Variants in CNTNAP5 observed in about 807,000 individuals in gnomAD.
The protein encoded by CNTNAP5 is contactin-associated protein-like 5.
CNTNAP5 carries 72 observed loss-of-function variants against 150.2 expected under a neutral mutation model. The ratio of observed to expected loss-of-function variants is 0.48; its 90% CI spans 0.40 to 0.58. The LOEUF (loss-of-function observed/expected upper bound fraction) is 0.58. CNTNAP5 is among the 20% of genes least tolerant of loss of function. The pLI is 0.00. For missense variants in CNTNAP5, 1,636 were observed against 1,626.2 expected, an observed-to-expected ratio of 1.01 and a Z score of -0.10; for synonymous variants, 672 against 619.8, an observed-to-expected ratio of 1.08 and a Z score of -1.25.
intron 19 of CNTNAP5, among the ~76,000 whole-genome samples, chr2:124,849,243 AT>A (rs1437712597): frequency 2.6e-5 from 4 of 152,070 alleles, no homozygotes; most frequent in Non-Finnish European, 5.9e-5. Flanking sequence ...CCTTTTTTAC[AT>A]TGTGTATTCT....
chr2:124,466,846 C>T (rs1266224877), intron 6 of CNTNAP5, among the ~76,000 whole-genome samples: 1 of 152,120 alleles, frequency 6.6e-6, no homozygotes, highest in African/African-American at 2.4e-5. Context: ...TCAGTATCAT[C>T]CACATCTGCC....
chr2:124,200,738 C>A (rs751627070), intron 1 of CNTNAP5, among the ~76,000 whole-genome samples: 1 of 152,212 alleles, frequency 6.6e-6, no homozygotes, highest in Middle Eastern at 3.2e-3. Context: ...TGTCCTGCCA[C>A]GTATTTCTTA....
At chr2:124,768,528 C>A (rs994189164) in intron 16 of CNTNAP5, among the ~76,000 whole-genome samples, 3 of 152,100 alleles carry the variant, frequency 2.0e-5, no homozygotes, top group African/African-American at 7.2e-5. Context: ...TGATTAGACA[C>A]TATACAATTC....
chr2:124,575,419 T>C (rs1235834432), intron 11 of CNTNAP5, among the ~76,000 whole-genome samples: 1 of 152,240 alleles, frequency 6.6e-6, no homozygotes, highest in Admixed American at 6.5e-5. Flanking sequence ...AGTGAGGCCT[T>C]TCATTATTTG....
At chr2:124,558,207 G>A (rs2104925394) in intron 10 of CNTNAP5, among the ~76,000 whole-genome samples, 1 of 152,282 alleles carries the variant, frequency 6.6e-6, no homozygotes, top group East Asian at 1.9e-4. Context: ...TCTCAGACTA[G>A]AGGAACATCA....
At chr2:124,173,038 T>A (rs1384345992) in intron 1 of CNTNAP5, among the ~76,000 whole-genome samples, 1 of 152,194 alleles carries the variant, frequency 6.6e-6, no homozygotes, top group East Asian at 1.9e-4. Context: ...GTTATTATTA[T>A]AACTGTTATG....
intron 14 of CNTNAP5, among the ~76,000 whole-genome samples, chr2:124,755,263 C>G (rs1015412573): frequency 6.6e-6 from 1 of 152,008 alleles, no homozygotes; most frequent in African/African-American, 2.4e-5. Context: ...TCTGTCAAGC[C>G]TTATAAATAT....
intron 13 of CNTNAP5, among the ~76,000 whole-genome samples, chr2:124,662,870 T>C (rs763568766): frequency 6.6e-6 from 1 of 152,248 alleles, no homozygotes; most frequent in Non-Finnish European, 1.5e-5. Context: ...TGTACATATA[T>C]GCACTTTACA....
At chr2:124,804,805 A>C (rs1324216713) in intron 19 of CNTNAP5, among the ~76,000 whole-genome samples, 1 of 152,188 alleles carries the variant, frequency 6.6e-6, no homozygotes, top group Non-Finnish European at 1.5e-5. Flanking sequence ...CAACTGAGCC[A>C]ACTTTGCAAC....
intron 3 of CNTNAP5, among the ~76,000 whole-genome samples, chr2:124,303,524 A>G (rs1308637063): frequency 6.6e-6 from 1 of 152,224 alleles, no homozygotes; most frequent in Admixed American, 6.5e-5. Context: ...TCAAGTTAGA[A>G]TCAAACAGTT....
At chr2:124,129,757 T>C (rs1205641905) in intron 1 of CNTNAP5, among the ~76,000 whole-genome samples, 1 of 152,180 alleles carries the variant, frequency 6.6e-6, no homozygotes, top group Non-Finnish European at 1.5e-5. Context: ...TTAAATAGTA[T>C]TAAGAAAGCC....
intron 1 of CNTNAP5, among the ~76,000 whole-genome samples, chr2:124,026,289 G>A (rs1015992327): frequency 9.9e-5 from 15 of 152,276 alleles, no homozygotes; most frequent in African/African-American, 3.4e-4. Context: ...TAAGAGTCAT[G>A]GACCAATGTT....
chr2:124,872,318 C>T (rs1276899042), intron 21 of CNTNAP5, among the ~76,000 whole-genome samples: 1 of 150,428 alleles, frequency 6.6e-6, no homozygotes, highest in Non-Finnish European at 1.5e-5. Flanking sequence ...TGTGAGGGTC[C>T]CAGTCTGTTA....
At chr2:124,792,907 C>G (rs1237746376) in intron 18 of CNTNAP5, among the ~76,000 whole-genome samples, 1 of 152,126 alleles carries the variant, frequency 6.6e-6, no homozygotes, top group African/African-American at 2.4e-5. Flanking sequence ...GTGAAAGCAC[C>G]ACAGTTTGTT....
chr2:124,846,363 T>C (rs1683047467), intron 19 of CNTNAP5, among the ~76,000 whole-genome samples: 4 of 152,184 alleles, frequency 2.6e-5, no homozygotes, highest in African/African-American at 9.6e-5. Context: ...GCTTGTTTGA[T>C]TGGACTGCTG....
At chr2:124,375,321 A>G (rs191592258) in intron 3 of CNTNAP5, among the ~76,000 whole-genome samples, 1 of 152,290 alleles carries the variant, frequency 6.6e-6, no homozygotes, top group East Asian at 1.9e-4. Context: ...GGTAAGATTA[A>G]CATCACCAAT....
At chr2:124,462,014 G>A (rs947034526) in intron 6 of CNTNAP5, among the ~76,000 whole-genome samples, 1 of 151,848 alleles carries the variant, frequency 6.6e-6, no homozygotes, top group African/African-American at 2.4e-5. Flanking sequence ...ATTATGTATG[G>A]CATTTTAAAA....
At chr2:124,049,031 A>G (rs1260010248) in intron 1 of CNTNAP5, among the ~76,000 whole-genome samples, 5 of 152,214 alleles carry the variant, frequency 3.3e-5, no homozygotes, top group Non-Finnish European at 7.3e-5. Context: ...CTGGGATAGT[A>G]TAGTGCTTCC....
intron 3 of CNTNAP5, among the ~76,000 whole-genome samples, chr2:124,262,999 A>T (rs1268310149): frequency 2.6e-5 from 4 of 152,108 alleles, no homozygotes; most frequent in Non-Finnish European, 5.9e-5. Flanking sequence ...TTATGGCTAC[A>T]TAGTATTCCA....
Sources: allele counts gnomAD v4.1 joint callset (sites outside exome capture counted in the v4.1 genomes callset), GRCh38; gene constraint gnomAD v4.1.1; transcripts MANE v1.5; gene names NCBI Gene and HGNC (gene_info 2026-07-23, HGNC 2026-07-21).